Variants in MRPL1 observed in about 807,000 individuals in gnomAD.
The protein encoded by MRPL1 is mitochondrial ribosomal protein L1.
In MRPL1, 28 loss-of-function variants were observed where a neutral mutation model predicts 38.0. The observed-to-expected ratio is 0.74, with a 90% CI of 0.55 to 1.01. The LOEUF is 1.01. MRPL1 is among the 50% of genes least tolerant of loss of function. The pLI is 0.00. For synonymous variants in MRPL1, 123 were observed against 126.7 expected (o/e 0.97, Z 0.20); for missense variants, 358 against 389.8 (o/e 0.92, Z 0.69).
Position 77,862,859 on chromosome 4 carries a change from C to T in MRPL1, c.11C>T (p.Ala4Val). MAAAVRCMGRALIH... is the reference protein window; with the variant it reads MAAVVRCMGRALIH... The stretch of plus-strand genomic sequence containing the variant: ...TCCGGAGTGCCCAACATGGCGGCGG[C>T]CGTAAGGTGCATGGGTAGAGGTAAG... Residue 4 changes from alanine (A) to valine (V), a missense_variant, in exon 1 of 9, where the codon GCC becomes GTC. Physicochemically the swap from Ala to Val is moderately conservative, Grantham distance 64. Transcript: ENST00000315567. 6.2e-7 allele frequency: 1 copy of T among 1,614,088 alleles called. No individual in the cohort carries two copies. Among genetic ancestry groups the T allele is most frequent in the South Asian group, 1.1e-5 (1 of 91,076 alleles).
At chr4:77,877,910 T>G (rs1578039574) in intron 2 of MRPL1, among the ~76,000 whole-genome samples, 2 of 144,584 alleles carry the variant, frequency 1.4e-5, no homozygotes, top group African/African-American at 2.6e-5. Flanking sequence ...GGCTGGGGGG[T>G]GGGGGGACGG....
intron 2 of MRPL1, among the ~76,000 whole-genome samples, chr4:77,873,429 AG>A (rs1401015350): frequency 2.6e-5 from 4 of 152,236 alleles, no homozygotes; most frequent in African/African-American, 9.6e-5. Flanking sequence ...GGGTCTGCAA[AG>A]CAAATAGAGT....
At chr4:77,934,862 T>C (rs1578060918) in intron 7 of MRPL1, among the ~76,000 whole-genome samples, 1 of 152,250 alleles carries the variant, frequency 6.6e-6, no homozygotes, top group Middle Eastern at 3.4e-3. Context: ...ATGAAGGAAA[T>C]TGACGCATCC....
rs1279722954 is a variant in MRPL1, at chr4:77,871,726, CAT to C, written c.32-17_32-16del. ...ATGATTATTTAATGTTAATATTTTACATGTTTTTCCTTTCAAGCCTTGATACA... is the reference window on the plus strand; with the variant it reads ...ATGATTATTTAATGTTAATATTTTACGTTTTTCCTTTCAAGCCTTGATACA... On this transcript the variant is annotated splice_polypyrimidine_tract_variant and intron_variant, in intron 1 of 8. Transcript: ENST00000315567. 1.7e-6 allele frequency: 2 copies of C among 1,163,754 alleles called. No homozygotes were observed. The highest frequency in any genetic ancestry group is 1.2e-6 in the Non-Finnish European group (1 of 822,838). The allele number at this position is 1,163,754 out of a possible 1,614,324, so 72.1% of individuals were successfully genotyped here.
chr4:77,863,098 G>C, intron 1 of MRPL1: 3 of 596,316 alleles, frequency 5.0e-6, no homozygotes, highest in Non-Finnish European at 8.7e-6. Flanking sequence ...GAGTGGGAGC[G>C]GGACGTACAT....
intron 6 of MRPL1, among the ~76,000 whole-genome samples, chr4:77,908,689 G>T (rs766107924): frequency 6.6e-6 from 1 of 152,148 alleles, no homozygotes; most frequent in Non-Finnish European, 1.5e-5. Context: ...GAAACAACAC[G>T]CATTTATTAT....
chr4:77,949,470 A>T (rs949585791), intron 7 of MRPL1, among the ~76,000 whole-genome samples: 3 of 152,088 alleles, frequency 2.0e-5, no homozygotes, highest in Admixed American at 1.3e-4. Context: ...AGAAAATGTC[A>T]CTGTTTTCTT....
chr4:77,884,608 A>ATGATGGTCTAGGT, intron 3 of MRPL1, among the ~76,000 whole-genome samples: 1 of 152,220 alleles, frequency 6.6e-6, no homozygotes, highest in East Asian at 1.9e-4. Context: ...TCTGAAAGTG[A>ATGATGGTCTAGGT]TGATGGTCTA....
intron 2 of MRPL1, among the ~76,000 whole-genome samples, chr4:77,879,732 G>A (rs1735493813): frequency 6.6e-6 from 1 of 152,176 alleles, no homozygotes. Flanking sequence ...TAAAAATATG[G>A]TTGCTCCAGT....
At chr4:77,863,030 T>A in intron 1 of MRPL1, 151 bp downstream of exon 1, 1 of 892,700 alleles carries the variant, frequency 1.1e-6, no homozygotes, top group Non-Finnish European at 1.8e-6. Context: ...CATTACTACT[T>A]AAAAGTGACC....
intron 7 of MRPL1, among the ~76,000 whole-genome samples, chr4:77,948,476 C>T (rs183650142): frequency 1.2e-3 from 182 of 152,104 alleles, no homozygotes; most frequent in African/African-American, 4.1e-3. Context: ...TTTTTTTCCT[C>T]TCAGAACTTC....
chr4:77,873,636 G>A (rs1225882448), intron 2 of MRPL1, among the ~76,000 whole-genome samples: 2 of 152,140 alleles, frequency 1.3e-5, no homozygotes, highest in Non-Finnish European at 2.9e-5. Context: ...AGCATACTTT[G>A]TTGAGCATCT....
intron 7 of MRPL1, among the ~76,000 whole-genome samples, chr4:77,934,523 A>T (rs1173757865): frequency 6.6e-6 from 1 of 152,200 alleles, no homozygotes; most frequent in East Asian, 1.9e-4. Flanking sequence ...GCTATTATTT[A>T]AAAAAATAAA....
chr4:77,899,620 G>A (rs1022959780), intron 6 of MRPL1, among the ~76,000 whole-genome samples: 1 of 152,068 alleles, frequency 6.6e-6, no homozygotes, highest in Non-Finnish European at 1.5e-5. Flanking sequence ...AATGTATGCA[G>A]TCCTAACTCA....
At chr4:77,883,546 T>C (rs764645638) in intron 3 of MRPL1, 46 bp downstream of exon 3, 2 of 1,480,834 alleles carry the variant, frequency 1.4e-6, no homozygotes, top group Non-Finnish European at 1.8e-6. Context: ...ACAGTGGCTG[T>C]ATGAATTGGT....
Position 77,880,650 on chromosome 4 carries a change from AG to A in MRPL1, c.144-2591del, listed in dbSNP as rs566703657. On this transcript the variant is annotated intron_variant, in intron 2 of 8. Coordinates refer to ENST00000315567, the MANE Select transcript of MRPL1 (RefSeq NM_020236.4). ...CTAATTTAAAACTTTTATGGTTAGA[AG>A]AGTACAGACATGATCTGAATTAATG... is the stretch of plus-strand genomic sequence containing the variant. 3.3e-5 allele frequency among the ~76,000 whole-genome samples: 5 copies of A among 152,316 alleles called. No homozygotes were observed. In the South Asian group the frequency reaches 1.0e-3, roughly 32 times the overall value.
At chr4:77,924,995 G>A (rs1035712394) in intron 7 of MRPL1, among the ~76,000 whole-genome samples, 7 of 152,110 alleles carry the variant, frequency 4.6e-5, no homozygotes, top group Non-Finnish European at 7.4e-5. Flanking sequence ...GAGTAGAAAA[G>A]TTGAAAGAAC....
At chr4:77,949,678 C>A in intron 7 of MRPL1, 119 bp from the exon 8 acceptor site, 2 of 577,752 alleles carry the variant, frequency 3.5e-6, no homozygotes. Flanking sequence ...TTTCCCCTTT[C>A]ACAGTAGGGT....
intron 7 of MRPL1, among the ~76,000 whole-genome samples, chr4:77,927,370 C>G (rs1312246254): frequency 6.6e-6 from 1 of 152,060 alleles, no homozygotes; most frequent in Non-Finnish European, 1.5e-5. Flanking sequence ...ACATATTTGG[C>G]ACAGTTTCTG....
Sources: gnomAD v4.1 joint callset for allele counts (sites outside exome capture counted in the v4.1 genomes callset) on GRCh38, gnomAD v4.1.1 for gene constraint, MANE v1.5 for transcripts, NCBI Gene and HGNC (gene_info 2026-07-23, HGNC 2026-07-21) for gene names.